The following SCUBE2 variants were observed in gnomAD, a reference collection of about 807,000 sequenced individuals.
SCUBE2 encodes the protein signal peptide, CUB and EGF-like domain-containing protein 2.
A neutral mutation model predicts 125.9 loss-of-function variants in SCUBE2; 114 were observed. The observed-to-expected ratio is 0.91, with a 90% CI of 0.78 to 1.06. SCUBE2 has a LOEUF of 1.06. Among genes scored for constraint, SCUBE2 ranks in the 50% least tolerant of loss-of-function variants. The probability of loss-of-function intolerance (pLI) is 0.00; values close to 1 mark genes in which losing one functional copy is unlikely to be tolerated. For synonymous variants in SCUBE2, 459 were observed against 492.9 expected, an observed-to-expected ratio of 0.93 and a Z score of 0.91; for missense variants, 1,255 against 1,301.8, an observed-to-expected ratio of 0.96 and a Z score of 0.55.
At chr11:9,054,569 G>T (rs1265880989) in intron 10 of SCUBE2, among the ~76,000 whole-genome samples, 5 of 151,484 alleles carry the variant, frequency 3.3e-5, no homozygotes, top group Admixed American at 3.3e-4. Context: ...CCTAAACCCA[G>T]ACATACATCC....
rs753456736 is a variant in SCUBE2 at position 9,033,660 on chromosome 11, C to T, written c.2139G>A (p.Lys713=). ...CPRPGNSGAL[K]TPEAWNMSEC... ...CAGACATATTCCAAGCTTCTGGGGT[C>T]TTCAGGGCCCCAGAATTTCCTGGTC... is the stretch of plus-strand genomic sequence containing the variant. Residue 713 remains lysine (K), a synonymous_variant, in exon 17 of 23, where the codon AAG becomes AAA. Transcript: ENST00000649792. The T allele has an allele frequency of 2.5e-6, 4 of 1,614,020 alleles. No individual in the cohort carries two copies. The highest frequency in any genetic ancestry group is 2.5e-6 in the Non-Finnish European group (3 of 1,180,040).
chr11:9,026,016 G>C, intron 20 of SCUBE2, 162 bp from the exon 21 acceptor site: 1 of 704,796 alleles, frequency 1.4e-6, no homozygotes, highest in Non-Finnish European at 2.3e-6. Flanking sequence ...TGGAAACAGA[G>C]TAGATTCAGC....
chr11:9,033,282 T>C (rs1180539663), intron 17 of SCUBE2, among the ~76,000 whole-genome samples: 2 of 152,194 alleles, frequency 1.3e-5, no homozygotes, highest in Admixed American at 6.5e-5. Context: ...CCAGACCTCC[T>C]CTCTTCATTT....
At chr11:9,069,585 A>G in intron 4 of SCUBE2, 90 bp from the exon 5 acceptor site, 1 of 1,540,478 alleles carries the variant, frequency 6.5e-7, no homozygotes, top group Non-Finnish European at 8.9e-7. Context: ...GGTGGCCCAC[A>G]GATCTGTCTG....
chr11:9,044,673 G>A (rs1167410089), intron 16 of SCUBE2, among the ~76,000 whole-genome samples: 3 of 152,146 alleles, frequency 2.0e-5, no homozygotes. Context: ...TCAGATTCGG[G>A]ATCAGGGTCC....
chr11:9,069,918 T>G (rs555619777), intron 4 of SCUBE2, among the ~76,000 whole-genome samples: 1 of 152,362 alleles, frequency 6.6e-6, no homozygotes, highest in African/African-American at 2.4e-5. Flanking sequence ...TTTCACATAC[T>G]CTTGAAGATA....
At chr11:9,024,039 G>T (rs1444135729) in intron 21 of SCUBE2, among the ~76,000 whole-genome samples, 2 of 151,952 alleles carry the variant, frequency 1.3e-5, no homozygotes, top group African/African-American at 2.4e-5. Flanking sequence ...GGCCTTGGGA[G>T]CTTCTCTGTG....
intron 21 of SCUBE2, 144 bp downstream of exon 21, chr11:9,025,558 C>T: frequency 1.1e-6 from 1 of 927,782 alleles, no homozygotes; most frequent in East Asian, 2.5e-5. Context: ...TAAAATTTGG[C>T]ACTTGTGAGT....
intron 2 of SCUBE2, among the ~76,000 whole-genome samples, chr11:9,083,195 G>C (rs1261442045): frequency 6.6e-6 from 1 of 151,478 alleles, no homozygotes; most frequent in Non-Finnish European, 1.5e-5. Context: ...GGAGGGGATG[G>C]AAGTGAATAA....
At chr11:9,036,928 C>T (rs1408565128) in intron 16 of SCUBE2, among the ~76,000 whole-genome samples, 2 of 152,212 alleles carry the variant, frequency 1.3e-5, no homozygotes, top group African/African-American at 2.4e-5. Context: ...TTTTTCCTCA[C>T]AATGAAAGGC....
chr11:9,064,063 G>A (rs2135664937), intron 7 of SCUBE2, among the ~76,000 whole-genome samples: 1 of 152,252 alleles, frequency 6.6e-6, no homozygotes, highest in Non-Finnish European at 1.5e-5. Context: ...AGGGTATAGG[G>A]AGAGGTCAGG....
Position 9,065,874 on chromosome 11 carries a change from G to A in SCUBE2, c.850+17C>T, listed in dbSNP as rs760665753. ...GGACAATTGCAGTGGCCAAGGAAAG[G>A]GAGTGAAGGTGCCTACCCATGAGCA... On this transcript the variant is annotated intron_variant, in intron 7 of 22. Transcript: ENST00000649792. 11 of 1,608,200 alleles carry A rather than the reference G, an allele frequency of 6.8e-6. No individual in the cohort carries two copies. The highest frequency in any genetic ancestry group is 2.7e-5 in the African/African-American group (2 of 74,814).
At chr11:9,051,695 C>G (rs1291731981) in intron 13 of SCUBE2, among the ~76,000 whole-genome samples, 1 of 152,108 alleles carries the variant, frequency 6.6e-6, no homozygotes, top group Non-Finnish European at 1.5e-5. Flanking sequence ...GTAAAACAGG[C>G]ATAATTATAG....
chr11:9,074,689 C>T (rs1861079174), intron 3 of SCUBE2, 74 bp from the exon 4 acceptor site: 2 of 1,551,062 alleles, frequency 1.3e-6, no homozygotes, highest in Admixed American at 3.4e-5. Context: ...AGCTCAGGGG[C>T]CCTGCTAAGC....
intron 4 of SCUBE2, among the ~76,000 whole-genome samples, chr11:9,069,795 C>T (rs1423423282): frequency 6.6e-6 from 1 of 152,186 alleles, no homozygotes; most frequent in Non-Finnish European, 1.5e-5. Context: ...GGAACTGGTA[C>T]TCACGCTCTT....
chr11:9,076,156 G>A (rs753717173), intron 3 of SCUBE2, among the ~76,000 whole-genome samples: 25 of 152,136 alleles, frequency 1.6e-4, no homozygotes, highest in East Asian at 3.9e-4. Flanking sequence ...AGCCAAAGGC[G>A]GGAGTGTGGG....
chr11:9,062,137 C>T (rs1165252322), intron 7 of SCUBE2, among the ~76,000 whole-genome samples: 1 of 152,150 alleles, frequency 6.6e-6, no homozygotes, highest in Non-Finnish European at 1.5e-5. Flanking sequence ...AAAGTCTATA[C>T]CCTGAAAAAG....
At chr11:9,030,082 GA>G (rs779822306) in intron 18 of SCUBE2, 37 bp from the exon 19 acceptor site, 27 of 1,591,074 alleles carry the variant, frequency 1.7e-5, no homozygotes, top group Non-Finnish European at 2.2e-5. Context: ...ATGAAAAAAA[GA>G]AAGATTATTT....
intron 14 of SCUBE2, among the ~76,000 whole-genome samples, 180 bp from the exon 15 acceptor site, chr11:9,048,278 G>T (rs764200747): frequency 6.6e-6 from 1 of 152,228 alleles, no homozygotes; most frequent in Non-Finnish European, 1.5e-5. Flanking sequence ...ATGTTGAAGA[G>T]CTAGCATTGC....
Sources: gnomAD v4.1 joint callset for allele counts (sites outside exome capture counted in the v4.1 genomes callset) on GRCh38, gnomAD v4.1.1 for gene constraint, MANE v1.5 for transcripts, NCBI Gene and HGNC (gene_info 2026-07-23, HGNC 2026-07-21) for gene names.